Variants in CDH13 observed in about 807,000 individuals in gnomAD.
The protein encoded by CDH13 is cadherin-13.
Under a neutral mutation model 63.8 loss-of-function variants are expected in CDH13, and 24 were observed. The ratio of observed to expected loss-of-function variants is 0.38; its 90% CI spans 0.27 to 0.53. The LOEUF (loss-of-function observed/expected upper bound fraction) is 0.53. Among genes scored for constraint, CDH13 ranks in the 20% least tolerant of loss-of-function variants. CDH13 has a pLI of 0.85. For synonymous variants in CDH13, 503 were observed against 355.3 expected (o/e 1.42, Z -4.67); for missense variants, 1,049 against 903.1 (o/e 1.16, Z -2.07).
chr16:83,581,539 C>CCAGG (rs1905599374), intron 7 of CDH13, among the ~76,000 whole-genome samples: 1 of 152,158 alleles, frequency 6.6e-6, no homozygotes, highest in Non-Finnish European at 1.5e-5. Context: ...AGAGCCTTGG[C>CCAGG]CAGGCACAGT....
At chr16:83,782,287 C>T (rs914242861) in intron 12 of CDH13, among the ~76,000 whole-genome samples, 16 of 152,134 alleles carry the variant, frequency 1.1e-4, no homozygotes, top group Admixed American at 6.5e-4. Context: ...CCAGCTGGTG[C>T]AGCCACTGCC....
chr16:83,440,968 C>T (rs953483052), intron 6 of CDH13, among the ~76,000 whole-genome samples: 2 of 152,168 alleles, frequency 1.3e-5, no homozygotes, highest in African/African-American at 4.8e-5. Context: ...TGTCCCAAAT[C>T]TGTGTTCATC....
intron 1 of CDH13, among the ~76,000 whole-genome samples, chr16:82,851,138 G>T (rs1017445492): frequency 2.0e-5 from 3 of 152,098 alleles, no homozygotes; most frequent in African/African-American, 7.2e-5. Context: ...CAAATTTTGT[G>T]TGAAAGCAAC....
intron 1 of CDH13, among the ~76,000 whole-genome samples, chr16:82,855,763 C>G (rs547232639): frequency 5.2e-4 from 79 of 152,266 alleles, no homozygotes; most frequent in African/African-American, 1.9e-3. Context: ...AGGGTGATGA[C>G]TCCCCCATTT....
rs1158270310 is a variant in CDH13 at position 83,216,397 on chromosome 16, AATATATATATATATATATATATAT to A, written c.484-924_484-901del. ...TAATGTCCTCTGCCTCCAGCATTGA[AATATATATATATATATATATATAT>A]ATATATATATATATATATATATACA... On this transcript the variant is annotated intron_variant, in intron 4 of 13. Transcript: ENST00000567109. Among the ~76,000 whole-genome samples, 24 of 16,108 alleles carry A rather than the reference AATATATATATATATATATATATAT, an allele frequency of 1.5e-3. 2 individuals are homozygous for A. The highest frequency in any genetic ancestry group is 3.3e-3 in the Non-Finnish European group (20 of 6,040). 10.6% of individuals were successfully genotyped at this position (16,108 alleles called of 152,430 possible).
intron 7 of CDH13, among the ~76,000 whole-genome samples, chr16:83,501,735 C>G (rs986285493): frequency 1.3e-5 from 2 of 152,204 alleles, no homozygotes; most frequent in African/African-American, 4.8e-5. Flanking sequence ...AGCCGCTGCT[C>G]TATCCACTCC....
At chr16:83,341,941 T>G in intron 5 of CDH13, among the ~76,000 whole-genome samples, 1 of 151,020 alleles carries the variant, frequency 6.6e-6, no homozygotes. Flanking sequence ...AAACATTCCC[T>G]CAGCAATAAG....
chr16:83,343,146 G>C (rs778919593), intron 5 of CDH13, among the ~76,000 whole-genome samples: 7 of 151,884 alleles, frequency 4.6e-5, no homozygotes, highest in Non-Finnish European at 8.8e-5. Context: ...GTGTGAATTT[G>C]CTGGTAAAAG....
chr16:83,406,309 G>T (rs1436926637), intron 6 of CDH13, among the ~76,000 whole-genome samples: 1 of 151,996 alleles, frequency 6.6e-6, no homozygotes, highest in South Asian at 2.1e-4. Flanking sequence ...TCTCCTACCT[G>T]CTTCCTGAAT....
chr16:83,487,843 C>CCT (rs1254796404), intron 7 of CDH13, among the ~76,000 whole-genome samples: 1 of 152,160 alleles, frequency 6.6e-6, no homozygotes, highest in Non-Finnish European at 1.5e-5. Flanking sequence ...TCTGCTTTCT[C>CCT]CTCTCTTATG....
chr16:83,206,462 C>T (rs1271326672), intron 4 of CDH13, among the ~76,000 whole-genome samples: 3 of 152,166 alleles, frequency 2.0e-5, no homozygotes, highest in Admixed American at 1.3e-4. Context: ...AGGAGCTGTG[C>T]CCTGGATCTC....
At chr16:83,352,135 A>G (rs929047830) in intron 6 of CDH13, among the ~76,000 whole-genome samples, 2 of 152,172 alleles carry the variant, frequency 1.3e-5, no homozygotes, top group Non-Finnish European at 2.9e-5. Context: ...CTTGGAGGAG[A>G]CAGCACTTGA....
chr16:82,801,772 C>A (rs1322829031), intron 1 of CDH13, among the ~76,000 whole-genome samples: 1 of 152,192 alleles, frequency 6.6e-6, no homozygotes, highest in Non-Finnish European at 1.5e-5. Flanking sequence ...TCTTCTTGAA[C>A]TGTTGAATCT....
At chr16:82,636,110 A>T (rs1406270640) in intron 1 of CDH13, among the ~76,000 whole-genome samples, 2 of 152,112 alleles carry the variant, frequency 1.3e-5, no homozygotes, top group Admixed American at 6.5e-5. Flanking sequence ...CAGATAATCC[A>T]AGAGACATTT....
intron 6 of CDH13, among the ~76,000 whole-genome samples, chr16:83,349,973 A>G (rs1408223250): frequency 1.3e-5 from 2 of 152,110 alleles, no homozygotes; most frequent in African/African-American, 4.8e-5. Flanking sequence ...GCTCAAGGAA[A>G]TGACATTAAA....
chr16:83,693,940 A>G (rs1262965901), intron 10 of CDH13, among the ~76,000 whole-genome samples: 2 of 152,208 alleles, frequency 1.3e-5, no homozygotes, highest in Admixed American at 1.3e-4. Flanking sequence ...AGTGAAATGA[A>G]TCAGAGGAGA....
intron 7 of CDH13, among the ~76,000 whole-genome samples, chr16:83,567,458 T>A (rs1051965382): frequency 6.6e-6 from 1 of 152,210 alleles, no homozygotes; most frequent in African/African-American, 2.4e-5. Flanking sequence ...AAGAGTTGCT[T>A]GCATAAGACT....
intron 3 of CDH13, among the ~76,000 whole-genome samples, chr16:83,099,927 A>G (rs2034393078): frequency 6.6e-6 from 1 of 152,160 alleles, no homozygotes; most frequent in South Asian, 2.1e-4. Context: ...CACTTGGTTC[A>G]TTCAAAGCAC....
chr16:82,966,095 C>G (rs1482771208), intron 2 of CDH13, among the ~76,000 whole-genome samples: 1 of 152,198 alleles, frequency 6.6e-6, no homozygotes, highest in Non-Finnish European at 1.5e-5. Context: ...CTCATAGTAA[C>G]TACGTTGTCT....
Sources: allele counts gnomAD v4.1 joint callset (sites outside exome capture counted in the v4.1 genomes callset), GRCh38; gene constraint gnomAD v4.1.1; transcripts MANE v1.5; gene names NCBI Gene and HGNC (gene_info 2026-07-23, HGNC 2026-07-21).